The following PCDH15 variants were observed in gnomAD, a reference collection of about 807,000 sequenced individuals.
The protein encoded by PCDH15 is protocadherin-15.
PCDH15 carries 129 observed loss-of-function variants against 178.5 expected under a neutral mutation model. The observed-to-expected ratio is 0.72, with a 90% CI of 0.63 to 0.84. The LOEUF is 0.84. Among genes scored for constraint, PCDH15 ranks in the 40% least tolerant of loss-of-function variants. The pLI, the probability that PCDH15 is intolerant of heterozygous loss-of-function variation, is 0.00. For synonymous variants in PCDH15, 800 were observed against 732.0 expected (o/e 1.09, Z -1.50); for missense variants, 2,230 against 2,099.9 (o/e 1.06, Z -1.21).
chr10:55,299,789 A>T, intron 1 of PCDH15, among the ~76,000 whole-genome samples: 1 of 152,134 alleles, frequency 6.6e-6, no homozygotes, highest in Non-Finnish European at 1.5e-5. Context: ...ATTGAACCAA[A>T]TGGCAACAGG....
At chr10:53,859,000 C>CTCCT (rs1419125871) in intron 27 of PCDH15, among the ~76,000 whole-genome samples, 1 of 151,782 alleles carries the variant, frequency 6.6e-6, no homozygotes, top group African/African-American at 2.4e-5. Context: ...CCTCCCTCCC[C>CTCCT]TCCTTCCTTC....
intron 27 of PCDH15, 69 bp from the exon 28 acceptor site, chr10:53,857,332 A>T: frequency 8.9e-7 from 1 of 1,124,286 alleles, no homozygotes; most frequent in Admixed American, 1.7e-5. Flanking sequence ...GAAAACCCCC[A>T]CATTACCTCT....
intron 4 of PCDH15, 135 bp from the exon 5 acceptor site, chr10:54,369,410 A>G (rs1947313491): frequency 1.3e-5 from 11 of 850,906 alleles, no homozygotes; most frequent in Admixed American, 2.3e-5. Context: ...AAAGAAAATG[A>G]TCATTTTAAG....
intron 3 of PCDH15, among the ~76,000 whole-genome samples, chr10:54,870,192 G>T (rs1954011826): frequency 6.6e-6 from 1 of 152,122 alleles, no homozygotes; most frequent in Admixed American, 6.5e-5. Flanking sequence ...TCAGAGCTCT[G>T]GCTGACACAA....
chr10:53,891,069 T>C (rs2081523172), intron 26 of PCDH15, among the ~76,000 whole-genome samples: 1 of 132,112 alleles, frequency 7.6e-6, no homozygotes, highest in Admixed American at 8.7e-5. Flanking sequence ...AATAAACAAT[T>C]TTTAAAAGCT....
intron 2 of PCDH15, among the ~76,000 whole-genome samples, chr10:55,102,434 A>G (rs1378400837): frequency 1.3e-5 from 2 of 152,100 alleles, no homozygotes; most frequent in African/African-American, 4.8e-5. Flanking sequence ...CTGTTTTTTT[A>G]ATACATACTT....
At chr10:54,607,391 A>T (rs1487383604) in intron 2 of PCDH15, among the ~76,000 whole-genome samples, 1 of 152,094 alleles carries the variant, frequency 6.6e-6, no homozygotes, top group Non-Finnish European at 1.5e-5. Context: ...ATCCCTGCCC[A>T]CTACCCAATA....
chr10:55,114,293 G>C (rs1260731485), intron 2 of PCDH15, among the ~76,000 whole-genome samples: 1 of 152,174 alleles, frequency 6.6e-6, no homozygotes, highest in Non-Finnish European at 1.5e-5. Flanking sequence ...TTTCCCAATT[G>C]CTAGCCTTTG....
rs928833410 is a variant in PCDH15, at chr10:54,251,943, A to T, written c.877-15012T>A. 5.9e-5 allele frequency among the ~76,000 whole-genome samples: 9 copies of T among 151,940 alleles called. No individual in the cohort carries two copies. In the South Asian group the frequency reaches 6.2e-4, roughly 11 times the overall value. Reference sequence around the variant, plus strand: ...AAAATAATTTAATAGTGTTTCTTTTAGTCAATCTTATTAAATATATGCTCC... The same window carrying T: ...AAAATAATTTAATAGTGTTTCTTTTTGTCAATCTTATTAAATATATGCTCC... On this transcript the variant is annotated intron_variant, in intron 8 of 37. Transcript: ENST00000644397.
At chr10:54,956,393 A>G (rs1399276300) in intron 2 of PCDH15, among the ~76,000 whole-genome samples, 2 of 151,544 alleles carry the variant, frequency 1.3e-5, no homozygotes, top group Non-Finnish European at 1.5e-5. Context: ...ACATTAATAA[A>G]TTATCCAAAA....
rs562506599 is a variant in PCDH15, at chr10:55,601,063, C to A, written c.-156+26562G>T. On this transcript the variant is annotated intron_variant, in intron 2 of 5. Transcript: ENST00000613346. ...TCCTGTTTCTTCACTAAACCACATT[C>A]AATAAATGATCTAGGAGCTTTTACA... Among the ~76,000 whole-genome samples, 14 of 152,088 alleles carry A rather than the reference C, an allele frequency of 9.2e-5. No individual in the cohort carries two copies. The South Asian group carries it at 2.7e-3, about 29-fold the overall frequency.
At chr10:55,445,337 A>T (rs1839291738) in intron 2 of PCDH15, among the ~76,000 whole-genome samples, 1 of 152,088 alleles carries the variant, frequency 6.6e-6, no homozygotes, top group South Asian at 2.1e-4. Context: ...GAAAACTCCC[A>T]ACCAGGGAAA....
intron 37 of PCDH15, 121 bp downstream of exon 37, chr10:53,810,435 A>G: frequency 2.4e-6 from 2 of 817,072 alleles, no homozygotes; most frequent in Non-Finnish European, 4.0e-6. Flanking sequence ...TTTCTATGGG[A>G]AATACGTACT....
At chr10:54,570,482 T>C (rs1013744619) in intron 2 of PCDH15, among the ~76,000 whole-genome samples, 4 of 152,208 alleles carry the variant, frequency 2.6e-5, no homozygotes, top group Non-Finnish European at 5.9e-5. Flanking sequence ...TTTTACTTAA[T>C]TTCAACTTAC....
chr10:53,929,539 C>G (rs1478560956), intron 25 of PCDH15, among the ~76,000 whole-genome samples: 1 of 152,058 alleles, frequency 6.6e-6, no homozygotes, highest in Non-Finnish European at 1.5e-5. Context: ...TAATATGTGA[C>G]AGGCTACAAT....
At chr10:54,955,450 T>G (rs1355318123) in intron 2 of PCDH15, among the ~76,000 whole-genome samples, 1 of 151,364 alleles carries the variant, frequency 6.6e-6, no homozygotes, top group African/African-American at 2.4e-5. Context: ...TCAATATTTT[T>G]AGATTGATGT....
At chr10:55,462,167 A>C (rs895002102) in intron 2 of PCDH15, among the ~76,000 whole-genome samples, 2 of 152,202 alleles carry the variant, frequency 1.3e-5, no homozygotes, top group Non-Finnish European at 2.9e-5. Flanking sequence ...ACAGAGTTTC[A>C]TATATATTTC....
chr10:53,964,909 T>C (rs1431110771), intron 21 of PCDH15, among the ~76,000 whole-genome samples: 2 of 152,164 alleles, frequency 1.3e-5, no homozygotes, highest in East Asian at 1.9e-4. Flanking sequence ...TGTCATGCAA[T>C]GTCAGCAACT....
At chr10:54,445,433 G>A (rs1385304936) in intron 3 of PCDH15, among the ~76,000 whole-genome samples, 2 of 151,454 alleles carry the variant, frequency 1.3e-5, no homozygotes, top group East Asian at 1.9e-4. Context: ...GCTTGCTACT[G>A]TACACAACGC....
Sources: gnomAD v4.1 joint callset for allele counts (sites outside exome capture counted in the v4.1 genomes callset) on GRCh38, gnomAD v4.1.1 for gene constraint, MANE v1.5 for transcripts, NCBI Gene and HGNC (gene_info 2026-07-23, HGNC 2026-07-21) for gene names.